The following METTL8 variants were observed in gnomAD, a reference collection of about 807,000 sequenced individuals.
METTL8 encodes the protein methyltransferase 8, tRNA N3-cytidine.
METTL8 carries 32 observed loss-of-function variants against 48.7 expected under a neutral mutation model. The ratio of observed to expected loss-of-function variants is 0.66; its 90% CI spans 0.50 to 0.88. The LOEUF is 0.88. Among genes scored for constraint, METTL8 ranks in the 40% least tolerant of loss-of-function variants. METTL8 has a pLI of 0.00. For synonymous variants in METTL8, 136 were observed against 157.1 expected, an observed-to-expected ratio of 0.87 and a Z score of 1.01; for missense variants, 464 against 474.4, an observed-to-expected ratio of 0.98 and a Z score of 0.20.
At chr2:171,432,069 T>C (rs922700355) in intron 1 of METTL8, among the ~76,000 whole-genome samples, 5 of 152,192 alleles carry the variant, frequency 3.3e-5, no homozygotes, top group African/African-American at 1.2e-4. Context: ...TGCCAGGGGC[T>C]GAGCCCACAG....
At chr2:171,336,091 T>G (rs540872408) in intron 5 of METTL8, among the ~76,000 whole-genome samples, 1 of 151,356 alleles carries the variant, frequency 6.6e-6, no homozygotes, top group South Asian at 2.1e-4. Context: ...GTCCCTGTAG[T>G]CAAACTCTGC....
At chr2:171,341,555 C>CT (rs996580789) in intron 3 of METTL8, among the ~76,000 whole-genome samples, 4,582 of 145,226 alleles carry the variant, frequency 0.032, 215 homozygotes, top group African/African-American at 0.1. Context: ...TTTTTTTTCC[C>CT]TTTTTTTTTT....
chr2:171,389,593 G>C (rs1341372857), intron 2 of METTL8, among the ~76,000 whole-genome samples: 1 of 148,196 alleles, frequency 6.7e-6, no homozygotes, highest in Admixed American at 6.8e-5. Context: ...TAGCATTACT[G>C]ATATGGAGAA....
chr2:171,400,687 C>T (rs540867193), intron 1 of METTL8, among the ~76,000 whole-genome samples: 18 of 152,288 alleles, frequency 1.2e-4, no homozygotes, highest in African/African-American at 4.3e-4. Flanking sequence ...TTAACACCCA[C>T]GTCTTTTCAC....
chr2:171,406,553 T>G (rs1348076754), intron 1 of METTL8, among the ~76,000 whole-genome samples: 2 of 152,190 alleles, frequency 1.3e-5, no homozygotes, highest in Non-Finnish European at 2.9e-5. Flanking sequence ...GAGGGAGAGA[T>G]ATCTTCTCCT....
At chr2:171,382,942 C>T (rs1343290105) in intron 2 of METTL8, among the ~76,000 whole-genome samples, 1 of 151,788 alleles carries the variant, frequency 6.6e-6, no homozygotes, top group African/African-American at 2.4e-5. Context: ...GGTGTGGTGG[C>T]GGGCGCCTGT....
At chr2:171,398,484 T>C (rs916203239) in intron 1 of METTL8, among the ~76,000 whole-genome samples, 2 of 151,678 alleles carry the variant, frequency 1.3e-5, no homozygotes, top group African/African-American at 4.8e-5. Context: ...AGTGGAGTGG[T>C]GTTTGGCAGA....
intron 2 of METTL8, among the ~76,000 whole-genome samples, chr2:171,369,883 T>C (rs1686129184): frequency 6.6e-6 from 1 of 152,008 alleles, no homozygotes; most frequent in African/African-American, 2.4e-5. Context: ...CTGACCAACA[T>C]GGTGAAACCC....
rs548603504 is a variant in METTL8, at chr2:171,402,460, G to A, written c.-12-10263C>T. 5.0e-4 allele frequency among the ~76,000 whole-genome samples: 76 copies of A among 152,204 alleles called. No homozygotes were observed. The Middle Eastern group carries it at 0.02, about 41-fold the overall frequency. On this transcript the variant is annotated intron_variant, in intron 1 of 9. Transcript: ENST00000375258. ...AGCCAGGTTTCTCATTGTTGGAGTG[G>A]GAGGTTACAAACAAGGGAGAAGAAA... is the stretch of plus-strand genomic sequence containing the variant.
intron 3 of METTL8, among the ~76,000 whole-genome samples, chr2:171,350,545 T>A (rs962959886): frequency 6.6e-6 from 1 of 152,228 alleles, no homozygotes; most frequent in African/African-American, 2.4e-5. Flanking sequence ...CACACTATCT[T>A]CCACAATGGT....
At position 171,397,134 on chromosome 2, in the gene METTL8, T is replaced by TA. The variant is rs1689147164; in HGVS notation, c.-12-4938_-12-4937insT. Among the ~76,000 whole-genome samples the TA allele has an allele frequency of 2.6e-5, 4 of 151,522 alleles. No individual in the cohort carries two copies. The South Asian group carries it at 8.3e-4, about 32-fold the overall frequency. ...ATCTTGCCTGGCCTCAGCTTCTATC[T>TA]TCACAAGCTAGAAAAATAAGAATAA... On this transcript the variant is annotated intron_variant, in intron 1 of 9. Transcript: ENST00000375258.
intron 1 of METTL8, among the ~76,000 whole-genome samples, chr2:171,401,169 G>C: frequency 6.6e-6 from 1 of 152,116 alleles, no homozygotes; most frequent in East Asian, 1.9e-4. Context: ...CATTACCTGA[G>C]AGGCTAGCAT....
intron 3 of METTL8, among the ~76,000 whole-genome samples, chr2:171,345,448 C>T (rs1559079571): frequency 6.6e-6 from 1 of 152,138 alleles, no homozygotes; most frequent in African/African-American, 2.4e-5. Context: ...AATTTCCACA[C>T]ATCAGTGAGA....
chr2:171,406,768 G>A (rs1381211196), intron 1 of METTL8, among the ~76,000 whole-genome samples: 1 of 152,096 alleles, frequency 6.6e-6, no homozygotes, highest in East Asian at 1.9e-4. Flanking sequence ...GGTATGCATG[G>A]TACAAATATA....
intron 1 of METTL8, among the ~76,000 whole-genome samples, chr2:171,424,007 TGCCCTGC>T (rs1692142239): frequency 6.6e-6 from 1 of 152,160 alleles, no homozygotes; most frequent in Non-Finnish European, 1.5e-5. Context: ...CAGGACTTGG[TGCCCTGC>T]ACCCCAGCTG....
chr2:171,321,789 T>C lies in METTL8; in HGVS notation c.*2383A>G, dbSNP rs1039961258. 3 of 152,162 alleles carry C rather than the reference T, an allele frequency of 2.0e-5. No homozygotes were observed. The highest frequency in any genetic ancestry group is 1.9e-4 in the East Asian group (1 of 5,202). 9.4% of individuals were successfully genotyped at this position (152,162 alleles called of 1,614,324 possible). On this transcript the variant is annotated 3_prime_UTR_variant, in exon 10 of 10. Transcript: ENST00000375258. The stretch of plus-strand genomic sequence containing the variant: ...CTCTATTTATGCTCCCTGAAGAGCA[T>C]AAACAAGGCTGGGTCTTTATTGTTC...
rs1684446980 is a variant in METTL8, at chr2:171,319,934, G to C, written c.*4238C>G. 1 of 152,132 alleles carries C rather than the reference G, an allele frequency of 6.6e-6. No individual in the cohort carries two copies. The allele number at this position is 152,132 out of a possible 1,614,324, so 9.4% of individuals were successfully genotyped here. On this transcript the variant is annotated 3_prime_UTR_variant, in exon 10 of 10. Coordinates refer to ENST00000375258, the MANE Select transcript of METTL8 (RefSeq NM_001321154.2). Reference sequence around the variant, plus strand: ...CTCCTGGAAAGAAAATGGTCCTTTTGAAATTCAGCTCTCTCAGAAGATGAA... The same window carrying C: ...CTCCTGGAAAGAAAATGGTCCTTTTCAAATTCAGCTCTCTCAGAAGATGAA...
intron 7 of METTL8, among the ~76,000 whole-genome samples, chr2:171,327,811 C>A (rs1253730232): frequency 6.6e-6 from 1 of 151,988 alleles, no homozygotes; most frequent in African/African-American, 2.4e-5. Context: ...ATAGGCTTTG[C>A]GAATGAAAGA....
chr2:171,406,838 ATTGT>A (rs1286305264), intron 1 of METTL8, among the ~76,000 whole-genome samples: 1 of 151,974 alleles, frequency 6.6e-6, no homozygotes, highest in Non-Finnish European at 1.5e-5. Flanking sequence ...CATAAGTCCC[ATTGT>A]TAAGTAGTTG....
Sources: gnomAD v4.1 joint callset for allele counts (sites outside exome capture counted in the v4.1 genomes callset) on GRCh38, gnomAD v4.1.1 for gene constraint, MANE v1.5 for transcripts, NCBI Gene and HGNC (gene_info 2026-07-23, HGNC 2026-07-21) for gene names.